Variants in IPO11 observed in about 807,000 individuals in gnomAD.
IPO11 encodes importin-11.
IPO11 carries 66 observed loss-of-function variants against 143.2 expected under a neutral mutation model. The observed-to-expected ratio is 0.46, with a 90% CI of 0.38 to 0.57. The LOEUF is 0.57. IPO11 is among the 20% of genes least tolerant of loss of function. The probability of loss-of-function intolerance (pLI) is 0.00; values close to 1 mark genes in which losing one functional copy is unlikely to be tolerated. For missense variants in IPO11, 1,026 were observed against 1,141.0 expected (o/e 0.90, Z 1.45); for synonymous variants, 385 against 377.8 (o/e 1.02, Z -0.22).
chr5:62,480,905 C>CTTTTT (rs1561328227), intron 9 of IPO11, among the ~76,000 whole-genome samples: 2 of 109,066 alleles, frequency 1.8e-5, no homozygotes, highest in African/African-American at 7.7e-5. Context: ...CTTCCTCTTT[C>CTTTTT]ATTTTTTTTT....
intron 29 of IPO11, among the ~76,000 whole-genome samples, chr5:62,608,740 C>T (rs999343779): frequency 4.6e-5 from 7 of 152,218 alleles, no homozygotes; most frequent in Non-Finnish European, 1.0e-4. Context: ...AAATTTGTTA[C>T]AGCTGATGAC....
intron 12 of IPO11, among the ~76,000 whole-genome samples, chr5:62,487,320 T>C (rs26621): frequency 0.35 from 52,470 of 151,752 alleles, 10,126 homozygotes; most frequent in African/African-American, 0.52. Context: ...CGCTTGAACC[T>C]GGGAGGTGGA....
chr5:62,449,787 G>A, intron 3 of IPO11, 140 bp from the exon 4 acceptor site: 1 of 519,474 alleles, frequency 1.9e-6, no homozygotes, highest in Non-Finnish European at 3.4e-6. Flanking sequence ...ACAAGTAATG[G>A]AAATAATCCT....
At chr5:62,513,852 G>A (rs1219654730) in intron 19 of IPO11, among the ~76,000 whole-genome samples, 104 of 148,128 alleles carry the variant, frequency 7.0e-4, no homozygotes, top group African/African-American at 2.6e-3. Context: ...GTTGCCAGGA[G>A]GAGGGTCTCC....
At position 62,576,774 on chromosome 5, in the gene IPO11, CTG is replaced by C. The variant is rs1158783933; in HGVS notation, c.2583-14799_2583-14798del. On this transcript the variant is annotated intron_variant, in intron 27 of 29. Coordinates refer to ENST00000325324, the MANE Select transcript of IPO11 (RefSeq NM_016338.5). ...CTCCAACCCAGCCGACAGAGCAAGA[CTG>C]TGTCTCAAAAGAATACATGCATCCA... Among the ~76,000 whole-genome samples the C allele has an allele frequency of 2.0e-5, 3 of 152,178 alleles. No individual in the cohort carries two copies. In the East Asian group the frequency reaches 5.8e-4, roughly 29 times the overall value.
chr5:62,550,279 C>T (rs946790749), intron 24 of IPO11, 88 bp from the exon 25 acceptor site: 12 of 987,116 alleles, frequency 1.2e-5, no homozygotes, highest in Non-Finnish European at 1.9e-5. Flanking sequence ...GTCTGTGATA[C>T]TTATTTTAGT....
intron 29 of IPO11, among the ~76,000 whole-genome samples, chr5:62,621,187 G>T (rs1204044566): frequency 5.9e-5 from 9 of 152,184 alleles, no homozygotes; most frequent in Admixed American, 5.9e-4. Flanking sequence ...GTCTATGTAA[G>T]TTTTAAGTAT....
At chr5:62,599,402 A>G (rs1745414990) in intron 28 of IPO11, among the ~76,000 whole-genome samples, 1 of 152,228 alleles carries the variant, frequency 6.6e-6, no homozygotes, top group Non-Finnish European at 1.5e-5. Context: ...AAGTTCATTT[A>G]GACAACAAAA....
chr5:62,618,739 A>T (rs1159301723), intron 29 of IPO11, among the ~76,000 whole-genome samples: 1 of 152,150 alleles, frequency 6.6e-6, no homozygotes, highest in Admixed American at 6.5e-5. Flanking sequence ...ATAGAAATAG[A>T]TTTATAACCA....
At chr5:62,546,168 A>G (rs1000496852) in intron 24 of IPO11, among the ~76,000 whole-genome samples, 1 of 152,206 alleles carries the variant, frequency 6.6e-6, no homozygotes, top group Non-Finnish European at 1.5e-5. Context: ...TTGCAGCACT[A>G]TTCACAATAG....
intron 12 of IPO11, among the ~76,000 whole-genome samples, chr5:62,486,459 A>C (rs1746409949): frequency 6.6e-6 from 1 of 152,054 alleles, no homozygotes; most frequent in African/African-American, 2.4e-5. Context: ...TTGGTATGTT[A>C]TTTCTCTTAC....
chr5:62,561,293 A>ATACCAGCACTTTGGGAGGCCGAG, intron 27 of IPO11, 36 bp downstream of exon 27: 1 of 577,468 alleles, frequency 1.7e-6, no homozygotes, highest in Non-Finnish European at 2.6e-6. Flanking sequence ...GTTTCTTTCA[A>ATACCAGCACTTTGGGAGGCCGAG]GCATCAAAAT....
chr5:62,551,444 C>A, intron 26 of IPO11, 108 bp downstream of exon 26: 1 of 583,254 alleles, frequency 1.7e-6, no homozygotes. Context: ...AGTATTTAGA[C>A]CTTTACATTT....
chr5:62,417,321 A>ATTTTTTTT (rs34767317), intron 1 of IPO11, among the ~76,000 whole-genome samples: 21 of 65,352 alleles, frequency 3.2e-4, no homozygotes, highest in African/African-American at 5.7e-4. Context: ...TTATTGGTTA[A>ATTTTTTTT]TTTTTTTTTT....
intron 9 of IPO11, among the ~76,000 whole-genome samples, chr5:62,482,027 TG>T (rs1168505267): frequency 6.6e-6 from 1 of 152,210 alleles, no homozygotes; most frequent in African/African-American, 2.4e-5. Context: ...GGAGGGTGTA[TG>T]TGTCCAGGAA....
intron 22 of IPO11, among the ~76,000 whole-genome samples, chr5:62,531,849 G>T (rs1742556443): frequency 6.6e-6 from 1 of 152,100 alleles, no homozygotes. Flanking sequence ...CCAATAAAGA[G>T]CCATTTGCTC....
chr5:62,481,906 A>G (rs544664407), intron 9 of IPO11, among the ~76,000 whole-genome samples: 165 of 152,210 alleles, frequency 1.1e-3, no homozygotes, highest in African/African-American at 3.7e-3. Context: ...TCGGCTGTGA[A>G]TCTGTTTGGT....
At chr5:62,440,927 C>T (rs962015429) in intron 2 of IPO11, among the ~76,000 whole-genome samples, 2 of 151,676 alleles carry the variant, frequency 1.3e-5, no homozygotes, top group African/African-American at 2.4e-5. Context: ...CGCGCCACTG[C>T]ACTCCAGTCA....
At chr5:62,522,348 G>A (rs965422909) in intron 20 of IPO11, among the ~76,000 whole-genome samples, 2 of 151,544 alleles carry the variant, frequency 1.3e-5, no homozygotes, top group South Asian at 2.1e-4. Flanking sequence ...GCAGTGGTAC[G>A]ATCTTGGCTC....
Sources: allele counts gnomAD v4.1 joint callset (sites outside exome capture counted in the v4.1 genomes callset), GRCh38; gene constraint gnomAD v4.1.1; transcripts MANE v1.5; gene names NCBI Gene and HGNC (gene_info 2026-07-23, HGNC 2026-07-21).